MTOR: variants seen among roughly 807,000 people sequenced by gnomAD.
The protein encoded by MTOR is mechanistic target of rapamycin kinase, also known as serine/threonine-protein kinase mTOR.
A neutral mutation model predicts 319.8 loss-of-function variants in MTOR; 70 were observed. That is an observed-to-expected ratio of 0.22 (90% CI 0.18 to 0.27). MTOR has a LOEUF of 0.27. Ranked by LOEUF, MTOR falls within the 10% of genes least tolerant of loss-of-function variation. MTOR has a pLI of 1.00. For synonymous variants in MTOR, 1,183 were observed against 1,211.4 expected (o/e 0.98, Z 0.49); for missense variants, 1,890 against 3,274.4 (o/e 0.58, Z 10.32).
chr1:11,146,267 C>A (rs552421094), intron 32 of MTOR, among the ~76,000 whole-genome samples: 55 of 152,338 alleles, frequency 3.6e-4, no homozygotes, highest in African/African-American at 1.2e-3. Context: ...CAAGTAAGTA[C>A]TAGCTTCCTC....
At chr1:11,254,115 GATCA>G (rs777191737) in intron 5 of MTOR, 142 bp from the exon 6 acceptor site, 60 of 921,768 alleles carry the variant, frequency 6.5e-5, no homozygotes, top group Non-Finnish European at 9.1e-5. Context: ...AAAACTAACT[GATCA>G]ATCTCTTTTA....
chr1:11,204,423 T>C, intron 26 of MTOR, 138 bp downstream of exon 26: 2 of 1,205,396 alleles, frequency 1.7e-6, no homozygotes, highest in Admixed American at 2.5e-5. Context: ...GTTGAATTTG[T>C]CTTTCTCTTT....
At position 11,245,099 on chromosome 1, in the gene MTOR, T is replaced by C. The variant is rs532866521; in HGVS notation, c.1226-1799A>G. Among the ~76,000 whole-genome samples, 5 of 152,364 alleles carry C rather than the reference T, an allele frequency of 3.3e-5. No individual in the cohort carries two copies. In the East Asian group the frequency reaches 5.8e-4, roughly 18 times the overall value. ...TACCTAGAGATTTTTATGACAGTTATATTTAATAGAAGAAGATTTAGTCTA... is the reference window on the plus strand; with the variant it reads ...TACCTAGAGATTTTTATGACAGTTACATTTAATAGAAGAAGATTTAGTCTA... On this transcript the variant is annotated intron_variant, in intron 8 of 57. Transcript: ENST00000361445.
At chr1:11,225,173 C>T (rs376199162) in intron 19 of MTOR, among the ~76,000 whole-genome samples, 7 of 152,052 alleles carry the variant, frequency 4.6e-5, no homozygotes, top group African/African-American at 9.6e-5. Flanking sequence ...ATGAATTTTA[C>T]GGTATGTAAA....
chr1:11,184,941 C>T (rs1381337535), intron 28 of MTOR, among the ~76,000 whole-genome samples: 1 of 152,220 alleles, frequency 6.6e-6, no homozygotes, highest in Admixed American at 6.5e-5. Context: ...ATTCTTCTTC[C>T]CTTTGACTCT....
At chr1:11,229,813 C>T (rs543008986) in intron 18 of MTOR, among the ~76,000 whole-genome samples, 1 of 152,016 alleles carries the variant, frequency 6.6e-6, no homozygotes, top group South Asian at 2.1e-4. Flanking sequence ...CAAAAGGCAA[C>T]GGGCTATACA....
intron 34 of MTOR, among the ~76,000 whole-genome samples, chr1:11,141,855 G>A (rs899668636): frequency 2.0e-5 from 3 of 150,544 alleles, no homozygotes; most frequent in Non-Finnish European, 3.0e-5. Context: ...AAAAAAATTA[G>A]CCAGGCGTGG....
intron 20 of MTOR, among the ~76,000 whole-genome samples, chr1:11,215,034 C>T: frequency 6.6e-6 from 1 of 152,168 alleles, no homozygotes; most frequent in South Asian, 2.1e-4. Flanking sequence ...AAAGGAAGAG[C>T]CCCCGTTGCA....
In MTOR at chr1:11,243,209, T is replaced by C. The variant is rs1648327179; in HGVS notation, c.1317A>G (p.Leu439=). The change falls in exon 9 of 58, where the codon CTA becomes CTG. Residue 439 remains leucine (L), a synonymous_variant. Coordinates refer to ENST00000361445, the MANE Select transcript of MTOR (RefSeq NM_004958.4). ...ACTCAGACCTCACAGCCACAGAAAG[T>C]AGCCCCAGGGCTTGGAAGGCCGCTG... ...ERTAAFQALG[L]LSVAVRSEFK... is the part of the protein sequence containing the mutation. 1 of 1,614,158 alleles carries C rather than the reference T, an allele frequency of 6.2e-7. No individual in the cohort carries two copies. The highest frequency in any genetic ancestry group is 2.2e-5 in the East Asian group (1 of 44,878).
chr1:11,133,182 A>G lies in MTOR; in HGVS notation c.5262T>C (p.Leu1754=). 6.2e-7 allele frequency: 1 copy of G among 1,614,090 alleles called. No individual in the cohort carries two copies. Among genetic ancestry groups the G allele is most frequent in the Non-Finnish European group, 8.5e-7 (1 of 1,179,990 alleles). ...HKLMARCFLK[L]GEWQLNLQGI... is the part of the protein sequence containing the mutation. ...CCTGTAGATTCAGCTGCCACTCTCCAAGTTTCAGGAAGCATCTGGAAGCAG... is the reference window on the plus strand; with the variant it reads ...CCTGTAGATTCAGCTGCCACTCTCCGAGTTTCAGGAAGCATCTGGAAGCAG... Residue 1754 remains leucine (L), a synonymous_variant, in exon 38 of 58, where the codon CTT becomes CTC. Coordinates refer to ENST00000361445, the MANE Select transcript of MTOR (RefSeq NM_004958.4). This position sits in a 1 kb window ranked among gnomAD's most constrained non-coding sequence, Gnocchi z 4.0.
chr1:11,193,134 T>C (rs1053794997), intron 28 of MTOR, among the ~76,000 whole-genome samples: 2 of 151,926 alleles, frequency 1.3e-5, no homozygotes, highest in African/African-American at 4.8e-5. Context: ...CTGGCCAACA[T>C]GCTGAAACCC....
intron 36 of MTOR, among the ~76,000 whole-genome samples, chr1:11,135,243 A>C (rs1310857669): frequency 6.6e-6 from 1 of 152,218 alleles, no homozygotes; most frequent in East Asian, 1.9e-4. Flanking sequence ...TATCACTTTT[A>C]AAGGGAAAAA....
chr1:11,238,757 G>A (rs570506797), intron 11 of MTOR, 140 bp from the exon 12 acceptor site: 6 of 675,260 alleles, frequency 8.9e-6, no homozygotes, highest in South Asian at 6.5e-5. Context: ...ATACTGACCC[G>A]GAACTCTTCT....
intron 28 of MTOR, among the ~76,000 whole-genome samples, chr1:11,185,249 C>CTT (rs111731836): frequency 1.7e-4 from 24 of 139,434 alleles, no homozygotes; most frequent in South Asian, 4.6e-4. Context: ...ATCAGAGAGA[C>CTT]TTTTTTTTTT....
At chr1:11,185,298 AGGT>A (rs1367939332) in intron 28 of MTOR, among the ~76,000 whole-genome samples, 1 of 150,228 alleles carries the variant, frequency 6.7e-6, no homozygotes, top group Non-Finnish European at 1.5e-5. Context: ...GACTCTGGCC[AGGT>A]GTGGTGGCTC....
At chr1:11,259,483 A>G in intron 1 of MTOR, 60 bp from the exon 2 acceptor site, 1 of 1,492,926 alleles carries the variant, frequency 6.7e-7, no homozygotes, top group Non-Finnish European at 8.9e-7. Flanking sequence ...AAATTTACTT[A>G]TGGCCCTGGT....
rs969916664 is a variant in MTOR at position 11,209,539 on chromosome 1, G to T, written c.3655-81C>A. On this transcript the variant is annotated intron_variant, in intron 24 of 57. Coordinates refer to ENST00000361445, the MANE Select transcript of MTOR (RefSeq NM_004958.4). Reference sequence around the variant, plus strand: ...AGGAAATATCCTTAAATTTTGGGAGGTGCAGACCTGGTAGAGCCAGGATTT... The same window carrying T: ...AGGAAATATCCTTAAATTTTGGGAGTTGCAGACCTGGTAGAGCCAGGATTT... The T allele has an allele frequency of 3.3e-6, 5 of 1,526,766 alleles. No homozygotes were observed. In the South Asian group the frequency reaches 5.8e-5, roughly 18 times the overall value. 94.6% of individuals were successfully genotyped at this position (1,526,766 alleles called of 1,614,324 possible). A position where few individuals can be genotyped will look rare whatever the true frequency, so the allele number is the denominator to read the frequency against.
intron 9 of MTOR, among the ~76,000 whole-genome samples, chr1:11,242,846 G>T (rs993288829): frequency 2.6e-5 from 4 of 152,178 alleles, no homozygotes; most frequent in African/African-American, 9.7e-5. Flanking sequence ...AGCAAAACTA[G>T]CAGATTCCCA....
At position 11,247,704 on chromosome 1, in the gene MTOR, A is replaced by G. The variant is rs374277374; in HGVS notation, c.1146T>C (p.Asn382=). The G allele has an allele frequency of 3.1e-6, 5 of 1,614,154 alleles. No homozygotes were observed. The East Asian group carries it at 8.9e-5, about 29-fold the overall frequency. Residue 382 remains asparagine, a synonymous_variant, in exon 8 of 58, where the codon AAT becomes AAC. Transcript: ENST00000361445. ...TCATTTGGATCAGCGAGTTCTTGCTATTCCTGCATTTCAGCACCCACTGGC... is the reference window on the plus strand; with the variant it reads ...TCATTTGGATCAGCGAGTTCTTGCTGTTCCTGCATTTCAGCACCCACTGGC... The part of the protein sequence containing the change: ...QVCQWVLKCR[N]SKNSLIQMTI...
Sources: gnomAD v4.1 joint callset for allele counts (sites outside exome capture counted in the v4.1 genomes callset) on GRCh38, gnomAD v4.1.1 for gene constraint, Gnocchi (gnomAD v3.1) non-coding constraint, MANE v1.5 for transcripts, NCBI Gene and HGNC (gene_info 2026-07-23, HGNC 2026-07-21) for gene names.